Variants in MGMT observed in about 807,000 individuals in gnomAD.
The protein encoded by MGMT is methylated-DNA--protein-cysteine methyltransferase.
A neutral mutation model predicts 15.9 loss-of-function variants in MGMT; 14 were observed. That is an observed-to-expected ratio of 0.88 (90% CI 0.58 to 1.37). MGMT has a LOEUF of 1.37. MGMT is among the 40% of genes most tolerant of loss of function. The pLI is 0.00. For synonymous variants in MGMT, 130 were observed against 118.2 expected (o/e 1.10, Z -0.65); for missense variants, 282 against 268.1 (o/e 1.05, Z -0.36).
chr10:129,719,866 G>T (rs1357931758), intron 3 of MGMT, among the ~76,000 whole-genome samples: 1 of 152,126 alleles, frequency 6.6e-6, no homozygotes, highest in Non-Finnish European at 1.5e-5. Context: ...TGTCATGAGG[G>T]TAAAATGAGG....
intron 2 of MGMT, among the ~76,000 whole-genome samples, chr10:129,682,931 C>G (rs1847868713): frequency 6.6e-6 from 1 of 151,974 alleles, no homozygotes; most frequent in Admixed American, 6.6e-5. Flanking sequence ...TCATTGCAAA[C>G]TTCATCTCCC....
At position 129,545,508 on chromosome 10, in the gene MGMT, C is replaced by T. The variant is rs1846089155; in HGVS notation, c.125+9131C>T. On this transcript the variant is annotated intron_variant, in intron 2 of 4. Coordinates refer to ENST00000651593, the MANE Select transcript of MGMT (RefSeq NM_002412.5). ...TCGCATACGTGCTGGTATTAGAGCT[C>T]CTTGGACGGTGATGTGCTGTTTTAG... Among the ~76,000 whole-genome samples, 3 of 152,132 alleles carry T rather than the reference C, an allele frequency of 2.0e-5. No individual in the cohort carries two copies. In the South Asian group the frequency reaches 6.2e-4, roughly 32 times the overall value.
chr10:129,565,862 C>T (rs1220091830), intron 2 of MGMT, among the ~76,000 whole-genome samples: 5 of 152,158 alleles, frequency 3.3e-5, no homozygotes, highest in Non-Finnish European at 7.3e-5. Flanking sequence ...ACCCAGAAGA[C>T]CCCTGAGTTT....
At chr10:129,756,016 A>T (rs377309755) in intron 3 of MGMT, among the ~76,000 whole-genome samples, 2 of 152,210 alleles carry the variant, frequency 1.3e-5, no homozygotes, top group African/African-American at 2.4e-5. Flanking sequence ...GCGTGGCATG[A>T]AAACACCTCG....
At chr10:129,754,944 G>A (rs1472920496) in intron 3 of MGMT, among the ~76,000 whole-genome samples, 1 of 152,122 alleles carries the variant, frequency 6.6e-6, no homozygotes, top group East Asian at 1.9e-4. Context: ...GCCCCTAGGG[G>A]GCTCCCCAGC....
At chr10:129,468,721 C>T (rs947332034) in intron 1 of MGMT, among the ~76,000 whole-genome samples, 39 of 152,012 alleles carry the variant, frequency 2.6e-4, no homozygotes, top group African/African-American at 8.7e-4. Context: ...CCAGTTTCTA[C>T]TAAAAACACA....
chr10:129,686,228 G>A (rs1847902917), intron 2 of MGMT, among the ~76,000 whole-genome samples: 1 of 151,498 alleles, frequency 6.6e-6, no homozygotes, highest in Non-Finnish European at 1.5e-5. Flanking sequence ...AAAAAAAAAT[G>A]TTATGCTATT....
At chr10:129,583,404 T>C (rs1846580113) in intron 2 of MGMT, among the ~76,000 whole-genome samples, 1 of 152,256 alleles carries the variant, frequency 6.6e-6, no homozygotes, top group African/African-American at 2.4e-5. Context: ...TATTTACTCA[T>C]CAGATTTTTG....
intron 2 of MGMT, among the ~76,000 whole-genome samples, chr10:129,603,318 A>G (rs1846847313): frequency 6.6e-6 from 1 of 152,222 alleles, no homozygotes; most frequent in African/African-American, 2.4e-5. Context: ...CCATATGCTC[A>G]GCCCAAAGAC....
chr10:129,559,094 G>A (rs1311234404), intron 2 of MGMT, among the ~76,000 whole-genome samples: 5 of 152,118 alleles, frequency 3.3e-5, no homozygotes, highest in African/African-American at 7.2e-5. Flanking sequence ...GCGTCGGAAC[G>A]TGGTGTCTTT....
intron 2 of MGMT, among the ~76,000 whole-genome samples, chr10:129,568,625 A>G (rs995080851): frequency 6.6e-6 from 1 of 152,234 alleles, no homozygotes; most frequent in Non-Finnish European, 1.5e-5. Flanking sequence ...TTAAGAGGAA[A>G]AAAAGGTAAA....
chr10:129,746,233 T>G (rs1848693708), intron 3 of MGMT, among the ~76,000 whole-genome samples: 2 of 120,970 alleles, frequency 1.7e-5, no homozygotes, highest in African/African-American at 7.3e-5. Context: ...AGCGAGACTC[T>G]GTCTCAAAAA....
intron 2 of MGMT, among the ~76,000 whole-genome samples, chr10:129,617,785 G>GT (rs936168680): frequency 2.0e-5 from 3 of 151,954 alleles, no homozygotes; most frequent in Non-Finnish European, 4.4e-5. Context: ...AGAGTTGATT[G>GT]TTTTTTGCTT....
At chr10:129,721,822 AGCATATTAG>A (rs77183314) in intron 3 of MGMT, among the ~76,000 whole-genome samples, 38,553 of 98,300 alleles carry the variant, frequency 0.39, 5,062 homozygotes, top group Middle Eastern at 0.53. Context: ...TATTAGAATT[AGCATATTAG>A]AATGCTAAAA....
At chr10:129,514,299 T>C (rs1370508561) in intron 1 of MGMT, among the ~76,000 whole-genome samples, 1 of 152,244 alleles carries the variant, frequency 6.6e-6, no homozygotes, top group African/African-American at 2.4e-5. Flanking sequence ...TATAATTTTG[T>C]AATAATTCCT....
intron 2 of MGMT, among the ~76,000 whole-genome samples, chr10:129,562,039 C>T (rs775722923): frequency 9.2e-5 from 14 of 152,106 alleles, no homozygotes; most frequent in Non-Finnish European, 1.6e-4. Context: ...AGATAAAAGG[C>T]TAGGAAAATG....
At chr10:129,715,988 G>A (rs1235254580) in intron 3 of MGMT, among the ~76,000 whole-genome samples, 4 of 152,034 alleles carry the variant, frequency 2.6e-5, no homozygotes, top group African/African-American at 4.8e-5. Flanking sequence ...GGTACGCGGC[G>A]GTCAGTGTAG....
At chr10:129,516,489 G>A (rs1421936414) in intron 1 of MGMT, among the ~76,000 whole-genome samples, 1 of 152,160 alleles carries the variant, frequency 6.6e-6, no homozygotes, top group African/African-American at 2.4e-5. Context: ...AAGCAGATGG[G>A]AGAGCTGTGT....
Position 129,759,211 on chromosome 10 carries a change from C to A in MGMT, c.284C>A (p.Thr95Asn). The change falls in exon 4 of 5, where the codon ACC (threonine) becomes AAC (asparagine). Residue 95 changes from threonine (T) to asparagine (N), a missense_variant. By Grantham distance (65) the Thr-to-Asn change is moderately conservative. Coordinates refer to ENST00000651593, the MANE Select transcript of MGMT (RefSeq NM_002412.5). ...HHPVFQQESF[T>N]RQVLWKLLKV... ...GCATTCTTCCTTTCAGAGTCGTTCA[C>A]CAGACAGGTGTTATGGAAGCTGCTG... is the stretch of plus-strand genomic sequence containing the variant. 2 of 1,614,170 alleles carry A rather than the reference C, an allele frequency of 1.2e-6. No individual in the cohort carries two copies. Among genetic ancestry groups the A allele is most frequent in the Non-Finnish European group, 1.7e-6 (2 of 1,180,016 alleles).
Sources: gnomAD v4.1 joint callset for allele counts (sites outside exome capture counted in the v4.1 genomes callset) on GRCh38, gnomAD v4.1.1 for gene constraint, MANE v1.5 for transcripts, NCBI Gene and HGNC (gene_info 2026-07-23, HGNC 2026-07-21) for gene names.